STIM1: variants seen among roughly 807,000 people sequenced by gnomAD.
STIM1 encodes stromal interaction molecule 1.
STIM1 carries 25 observed loss-of-function variants against 74.7 expected under a neutral mutation model. That is an observed-to-expected ratio of 0.33 (90% CI 0.24 to 0.47). The LOEUF is 0.47. STIM1 is among the 20% of genes least tolerant of loss of function. The probability of loss-of-function intolerance (pLI) is 1.00; values close to 1 mark genes in which losing one functional copy is unlikely to be tolerated. For missense variants in STIM1, 728 were observed against 920.8 expected (o/e 0.79, Z 2.71); for synonymous variants, 328 against 348.8 (o/e 0.94, Z 0.66).
chr11:3,908,611 C>CAAAAAAA (rs147380381), intron 1 of STIM1, among the ~76,000 whole-genome samples: 12 of 140,932 alleles, frequency 8.5e-5, no homozygotes, highest in Non-Finnish European at 7.6e-5. Context: ...GACTCCATCT[C>CAAAAAAA]AAAAAAAAAA....
intron 1 of STIM1, among the ~76,000 whole-genome samples, chr11:3,949,521 G>T (rs1364713965): frequency 6.6e-6 from 1 of 152,068 alleles, no homozygotes; most frequent in Non-Finnish European, 1.5e-5. Context: ...GTCCTTGAGG[G>T]GTGTCTCATG....
intron 1 of STIM1, among the ~76,000 whole-genome samples, chr11:3,915,782 A>G (rs535543103): frequency 1.3e-5 from 2 of 152,176 alleles, no homozygotes; most frequent in South Asian, 4.2e-4. Context: ...TTTGACCAGC[A>G]TGGTGGCTCA....
chr11:3,927,968 C>T (rs1489176545), intron 1 of STIM1, among the ~76,000 whole-genome samples: 2 of 152,192 alleles, frequency 1.3e-5, no homozygotes, highest in South Asian at 4.1e-4. Flanking sequence ...CATGGGAAAG[C>T]AAATGAAGTA....
At chr11:4,026,343 G>C (rs2093997538) in intron 3 of STIM1, among the ~76,000 whole-genome samples, 1 of 152,232 alleles carries the variant, frequency 6.6e-6, no homozygotes, top group Non-Finnish European at 1.5e-5. Context: ...AATAAAAACA[G>C]CAGCAGCAAC....
chr11:3,875,280 G>A (rs1159451642), intron 1 of STIM1, among the ~76,000 whole-genome samples: 5 of 152,182 alleles, frequency 3.3e-5, no homozygotes, highest in Non-Finnish European at 7.3e-5. Flanking sequence ...TCCTGGCAAA[G>A]GCAAACACAT....
chr11:3,928,910 G>T (rs2092823599), intron 1 of STIM1, among the ~76,000 whole-genome samples: 1 of 152,070 alleles, frequency 6.6e-6, no homozygotes, highest in Non-Finnish European at 1.5e-5. Context: ...TCACTCTGTA[G>T]CCCAGGCTGG....
chr11:4,024,867 G>A (rs1449778787), intron 3 of STIM1, among the ~76,000 whole-genome samples: 3 of 152,134 alleles, frequency 2.0e-5, no homozygotes, highest in African/African-American at 7.2e-5. Flanking sequence ...TGACAGGGAA[G>A]GGGAAAACAG....
intron 3 of STIM1, among the ~76,000 whole-genome samples, chr11:4,045,622 T>A (rs1049222207): frequency 2.0e-5 from 3 of 151,654 alleles, no homozygotes; most frequent in Non-Finnish European, 4.4e-5. Context: ...GCTAATTTTT[T>A]AATATTTTTT....
chr11:4,046,353 C>T (rs2094193630), intron 3 of STIM1, among the ~76,000 whole-genome samples: 1 of 152,060 alleles, frequency 6.6e-6, no homozygotes, highest in Non-Finnish European at 1.5e-5. Flanking sequence ...GACTAAGCAC[C>T]CTTCACTTAA....
intron 10 of STIM1, 80 bp from the exon 11 acceptor site, chr11:4,084,593 T>A: frequency 1.7e-6 from 2 of 1,168,024 alleles, no homozygotes; most frequent in South Asian, 1.3e-5. Context: ...CCCCAGCCCT[T>A]CCTTTATTAC....
chr11:3,893,972 G>T (rs1031269424), intron 1 of STIM1, among the ~76,000 whole-genome samples: 5 of 152,092 alleles, frequency 3.3e-5, no homozygotes, highest in Non-Finnish European at 5.9e-5. Flanking sequence ...TAGAGATGGG[G>T]TTTTGCCATG....
chr11:3,943,250 T>A (rs1378411843), intron 1 of STIM1, among the ~76,000 whole-genome samples: 1 of 152,212 alleles, frequency 6.6e-6, no homozygotes, highest in Non-Finnish European at 1.5e-5. Context: ...ACCTGGTATA[T>A]CCTGTGATTG....
chr11:4,038,255 G>A (rs749308787), intron 3 of STIM1, among the ~76,000 whole-genome samples: 6 of 151,898 alleles, frequency 4.0e-5, no homozygotes, highest in Non-Finnish European at 8.8e-5. Flanking sequence ...GGCTGGTCTC[G>A]AACTCCTGAC....
At chr11:3,922,924 C>G (rs562096962) in intron 1 of STIM1, among the ~76,000 whole-genome samples, 1 of 151,682 alleles carries the variant, frequency 6.6e-6, no homozygotes, top group East Asian at 2.0e-4. Context: ...ATGGTGAAAC[C>G]CCATCTCTAC....
At chr11:3,866,151 C>A (rs1025861799) in intron 1 of STIM1, among the ~76,000 whole-genome samples, 2 of 152,194 alleles carry the variant, frequency 1.3e-5, no homozygotes, top group Non-Finnish European at 2.9e-5. Context: ...GCATTCTTGG[C>A]AAGCCAAGCA....
At chr11:4,075,949 T>G (rs570275497) in intron 7 of STIM1, among the ~76,000 whole-genome samples, 2 of 152,208 alleles carry the variant, frequency 1.3e-5, no homozygotes, top group Non-Finnish European at 2.9e-5. Context: ...TAAACACCTT[T>G]TTATAAATTT....
chr11:3,933,575 C>T (rs1045812851), intron 1 of STIM1, among the ~76,000 whole-genome samples: 1 of 152,130 alleles, frequency 6.6e-6, no homozygotes, highest in Non-Finnish European at 1.5e-5. Context: ...GCCTCTTTGG[C>T]CTTGTCTACC....
At position 4,013,539 on chromosome 11, in the gene STIM1, T is replaced by G. The variant is rs956783429; in HGVS notation, c.271-10334T>G. 4.6e-5 allele frequency among the ~76,000 whole-genome samples: 7 copies of G among 151,216 alleles called. No homozygotes were observed. In the South Asian group the frequency reaches 1.5e-3, roughly 31 times the overall value. On this transcript the variant is annotated intron_variant, in intron 2 of 12. Transcript: ENST00000526596. Reference sequence around the variant, plus strand: ...ATTTTATATTATTTTATTCTCTTTGTGTAGAGGTGTTTATAGTATTCTCTG... The same window carrying G: ...ATTTTATATTATTTTATTCTCTTTGGGTAGAGGTGTTTATAGTATTCTCTG...
At chr11:3,891,607 C>G (rs2091898698) in intron 1 of STIM1, among the ~76,000 whole-genome samples, 1 of 152,108 alleles carries the variant, frequency 6.6e-6, no homozygotes, top group African/African-American at 2.4e-5. Context: ...TAATTATTTA[C>G]TTTGATATCC....
Sources: gnomAD v4.1 joint callset for allele counts (sites outside exome capture counted in the v4.1 genomes callset) on GRCh38, gnomAD v4.1.1 for gene constraint, MANE v1.5 for transcripts, NCBI Gene and HGNC (gene_info 2026-07-23, HGNC 2026-07-21) for gene names.